GDI2: variants seen among roughly 807,000 people sequenced by gnomAD.
GDI2 encodes the protein rab GDP dissociation inhibitor beta.
A neutral mutation model predicts 54.2 loss-of-function variants in GDI2; 22 were observed. That is an observed-to-expected ratio of 0.41 (90% CI 0.29 to 0.58). The LOEUF (loss-of-function observed/expected upper bound fraction) is 0.58, where lower values mean the gene tolerates loss of function less well. Ranked by LOEUF, GDI2 falls within the 20% of genes least tolerant of loss-of-function variation. The pLI is 0.35. For missense variants in GDI2, 422 were observed against 546.0 expected, an observed-to-expected ratio of 0.77 and a Z score of 2.26; for synonymous variants, 177 against 182.1, an observed-to-expected ratio of 0.97 and a Z score of 0.23.
In GDI2 at chr10:5,766,705, T is replaced by C. The variant is rs1248727982; in HGVS notation, c.992-67A>G. On this transcript the variant is annotated intron_variant, in intron 8 of 10. Transcript: ENST00000380191. This position sits in a 1 kb window ranked among gnomAD's most constrained non-coding sequence, Gnocchi z 5.8. ...ATCTGGGACCCAACATACTCAGGTATCACCCATATGTCATGAGGTGTGAGT... is the reference window on the plus strand; with the variant it reads ...ATCTGGGACCCAACATACTCAGGTACCACCCATATGTCATGAGGTGTGAGT... 1 of 1,282,382 alleles carries C rather than the reference T, an allele frequency of 7.8e-7. No individual in the cohort carries two copies. Among genetic ancestry groups the C allele is most frequent in the African/African-American group, 1.5e-5 (1 of 68,592 alleles). 79.4% of individuals were successfully genotyped at this position (1,282,382 alleles called of 1,614,324 possible).
rs116226575 is a variant in GDI2 at position 5,765,570 on chromosome 10, G to A, written c.*436C>T. On this transcript the variant is annotated 3_prime_UTR_variant, in exon 11 of 11. Transcript: ENST00000380191. ...ACATAATACAAAATATAAAGTCATA[G>A]GGAAAACTTCCGGATGCTGTCCCAA... 487 of 153,984 alleles carry A rather than the reference G, an allele frequency of 3.2e-3. 2 individuals are homozygous for A. The highest frequency in any genetic ancestry group is 0.011 in the African/African-American group (461 of 41,582). The allele number at this position is 153,984 out of a possible 1,614,324, so 9.5% of individuals were successfully genotyped here. A position where few individuals can be genotyped will look rare whatever the true frequency, so the allele number is the denominator to read the frequency against.
At chr10:5,811,646 A>C (rs1206445283) in intron 1 of GDI2, among the ~76,000 whole-genome samples, 1 of 132,262 alleles carries the variant, frequency 7.6e-6, no homozygotes, top group East Asian at 2.2e-4. Flanking sequence ...TTGGAATCCC[A>C]ATTAGGCACT....
At position 5,789,050 on chromosome 10, in the gene GDI2, A is replaced by G. The variant is rs140905499; in HGVS notation, c.389-3000T>C. On this transcript the variant is annotated intron_variant, in intron 4 of 10. Coordinates refer to ENST00000380191, the MANE Select transcript of GDI2 (RefSeq NM_001494.4). ...CCAAAGTGCTGGGATGACAGGCATG[A>G]GCCACTATGCCCAGCCAGGTTTGTT... 1.1e-3 allele frequency among the ~76,000 whole-genome samples: 163 copies of G among 152,100 alleles called. 3 individuals carry two copies. The East Asian group carries it at 0.022, about 21-fold the overall frequency.
intron 2 of GDI2, 132 bp from the exon 3 acceptor site, chr10:5,796,994 ATCT>A (rs1203327872): frequency 3.9e-6 from 2 of 507,330 alleles, no homozygotes; most frequent in African/African-American, 3.8e-5. Context: ...AGGGCATTTC[ATCT>A]TTTATCAGAT....
chr10:5,792,622 C>T (rs915490174), intron 4 of GDI2, among the ~76,000 whole-genome samples: 1 of 151,056 alleles, frequency 6.6e-6, no homozygotes, highest in Admixed American at 6.6e-5. Flanking sequence ...GTGATTTCTA[C>T]TGTACATAAA....
chr10:5,791,414 A>G (rs1465611877), intron 4 of GDI2, among the ~76,000 whole-genome samples: 1 of 152,248 alleles, frequency 6.6e-6, no homozygotes, highest in African/African-American at 2.4e-5. Flanking sequence ...GTTTAAGACC[A>G]GCCTGGCCAA....
At chr10:5,796,656 A>G in intron 3 of GDI2, 107 bp downstream of exon 3, 1 of 662,322 alleles carries the variant, frequency 1.5e-6, no homozygotes, top group Non-Finnish European at 2.7e-6. Context: ...GTTTCATTCA[A>G]CAAAATCCAG....
At position 5,785,213 on chromosome 10, in the gene GDI2, C is replaced by T. The variant is rs1161139750; in HGVS notation, c.648G>A (p.Leu216=). ...INRIKLYSES[L]ARYGKSPYLY... ...GGTATGGGCTTTTGCCATATCTTGCCAAAGATTCACTGTAAAGTTTAATTC... is the reference window on the plus strand; with the variant it reads ...GGTATGGGCTTTTGCCATATCTTGCTAAAGATTCACTGTAAAGTTTAATTC... The change falls in exon 6 of 11, where the codon TTG becomes TTA. Residue 216 remains leucine (L), a synonymous_variant. Transcript: ENST00000380191. The T allele has an allele frequency of 6.2e-7, 1 of 1,605,336 alleles. No individual in the cohort carries two copies. Among genetic ancestry groups the T allele is most frequent in the Non-Finnish European group, 8.5e-7 (1 of 1,172,270 alleles).
chr10:5,770,015 G>T (rs1434885632), intron 7 of GDI2, among the ~76,000 whole-genome samples: 1 of 152,154 alleles, frequency 6.6e-6, no homozygotes, highest in Non-Finnish European at 1.5e-5. Flanking sequence ...GCAAACTATG[G>T]TCTATCTTTC....
chr10:5,812,583 A>G (rs199502860), intron 1 of GDI2, among the ~76,000 whole-genome samples: 18 of 152,024 alleles, frequency 1.2e-4, no homozygotes, highest in South Asian at 1.0e-3. Flanking sequence ...GATGCTCAGT[A>G]AGTGAGAAGG....
intron 7 of GDI2, among the ~76,000 whole-genome samples, chr10:5,772,824 C>T (rs1468151792): frequency 6.6e-6 from 1 of 152,106 alleles, no homozygotes; most frequent in East Asian, 1.9e-4. Context: ...CATCACCCAG[C>T]ACAGGAATTT....
intron 6 of GDI2, among the ~76,000 whole-genome samples, chr10:5,779,871 T>C (rs906226659): frequency 2.6e-5 from 4 of 151,912 alleles, no homozygotes; most frequent in Non-Finnish European, 2.9e-5. Flanking sequence ...TTTTTGTGTT[T>C]TTCTAGAGAC....
Position 5,768,487 on chromosome 10 carries a change from AC to A in GDI2, c.820-104del. ...ACTTAGTATTGTTAAGATATCAAAAACCATCCTCAAGTTCATATTGGTTCCC... is the reference window on the plus strand; with the variant it reads ...ACTTAGTATTGTTAAGATATCAAAAACATCCTCAAGTTCATATTGGTTCCC... On this transcript the variant is annotated intron_variant, in intron 7 of 10. Transcript: ENST00000380191. This position sits in a 1 kb window ranked among gnomAD's most constrained non-coding sequence, Gnocchi z 4.4. The A allele has an allele frequency of 1.4e-6, 1 of 726,690 alleles. No individual in the cohort carries two copies. Among genetic ancestry groups the A allele is most frequent in the South Asian group, 1.9e-5 (1 of 53,756 alleles). The allele number at this position is 726,690 out of a possible 1,614,324, so 45.0% of individuals were successfully genotyped here.
At chr10:5,787,243 G>A (rs992060072) in intron 4 of GDI2, among the ~76,000 whole-genome samples, 4 of 152,202 alleles carry the variant, frequency 2.6e-5, no homozygotes, top group African/African-American at 7.2e-5. Context: ...AGTGGCTCAC[G>A]CCTATAATCC....
chr10:5,786,679 T>C (rs1045323264), intron 4 of GDI2, among the ~76,000 whole-genome samples: 4 of 152,242 alleles, frequency 2.6e-5, no homozygotes, highest in Non-Finnish European at 4.4e-5. Context: ...CAAGTATCCA[T>C]GAAGCCACCC....
At chr10:5,801,548 T>C (rs1005931400) in intron 1 of GDI2, among the ~76,000 whole-genome samples, 1 of 151,952 alleles carries the variant, frequency 6.6e-6, no homozygotes, top group Admixed American at 6.6e-5. Context: ...TGGTGGCACA[T>C]GCCTGTAATC....
chr10:5,766,138 G>T lies in GDI2; in HGVS notation c.1206C>A (p.Arg402=). 1.2e-6 allele frequency: 2 copies of T among 1,613,582 alleles called. No individual in the cohort carries two copies. Among genetic ancestry groups the T allele is most frequent in the South Asian group, 1.1e-5 (1 of 91,056 alleles). The stretch of plus-strand genomic sequence containing the variant: ...CAAAATGAGTGGTGGCATCATATGT[G>T]CGGGAAATAAAGATCTGAAAACAAA... The part of the protein sequence containing the change: ...LGTESQIFIS[R]TYDATTHFET... Residue 402 remains arginine, a synonymous_variant, in exon 11 of 11, where the codon CGC becomes CGA. Transcript: ENST00000380191. The surrounding 1 kb of genome is among the most constrained non-coding windows in gnomAD (Gnocchi z 5.8).
chr10:5,766,789 T>G lies in GDI2; in HGVS notation c.992-151A>C. On this transcript the variant is annotated intron_variant, in intron 8 of 10. Coordinates refer to ENST00000380191, the MANE Select transcript of GDI2 (RefSeq NM_001494.4). This position sits in a 1 kb window ranked among gnomAD's most constrained non-coding sequence, Gnocchi z 5.8. ...CTTAAGTTCTAAATGGTGACAGAGTTGGATGTAAAGTACACAGATATTTAA... is the reference window on the plus strand; with the variant it reads ...CTTAAGTTCTAAATGGTGACAGAGTGGGATGTAAAGTACACAGATATTTAA... 1 of 619,520 alleles carries G rather than the reference T, an allele frequency of 1.6e-6. No homozygotes were observed. 38.4% of individuals were successfully genotyped at this position (619,520 alleles called of 1,614,324 possible).
chr10:5,795,003 C>G lies in GDI2; in HGVS notation c.270G>C (p.Met90Ile), dbSNP rs200939621. 6.3e-7 allele frequency: 1 copy of G among 1,586,780 alleles called. No homozygotes were observed. The highest frequency in any genetic ancestry group is 1.7e-5 in the Admixed American group (1 of 59,484). ...FLMANGQLVK[M>I]LLYTEVTRYL... ...AGCGAGTTACCTCTGTATAAAGCAG[C>G]ATCTTAACCAGCTGACCTAGAAAAG... is the stretch of plus-strand genomic sequence containing the variant. The change falls in exon 4 of 11, where the codon ATG becomes ATC. Residue 90 changes from methionine (M) to isoleucine (I), a missense_variant. Transcript: ENST00000380191.
Sources: allele counts gnomAD v4.1 joint callset (sites outside exome capture counted in the v4.1 genomes callset), GRCh38; gene constraint gnomAD v4.1.1; non-coding constraint Gnocchi (gnomAD v3.1); transcripts MANE v1.5; gene names NCBI Gene and HGNC (gene_info 2026-07-23, HGNC 2026-07-21).